Variants in MLLT3 observed in about 807,000 individuals in gnomAD.
The protein encoded by MLLT3 is protein AF-9.
Under a neutral mutation model 53.2 loss-of-function variants are expected in MLLT3, and 4 were observed. The observed-to-expected ratio is 0.08, with a 90% confidence interval of 0.04 to 0.17. The LOEUF (loss-of-function observed/expected upper bound fraction) is 0.17, where lower values mean the gene tolerates loss of function less well. Ranked by LOEUF, MLLT3 falls within the 10% of genes least tolerant of loss-of-function variation. The pLI is 1.00. For synonymous variants in MLLT3, 283 were observed against 230.6 expected (o/e 1.23, Z -2.06); for missense variants, 569 against 684.0 (o/e 0.83, Z 1.87).
chr9:20,599,920 A>G (rs375634054), intron 2 of MLLT3, among the ~76,000 whole-genome samples: 125 of 152,296 alleles, frequency 8.2e-4, no homozygotes, highest in African/African-American at 2.9e-3. Flanking sequence ...TAAATTGCTT[A>G]GCTTTCTTCT....
At chr9:20,495,078 G>A (rs1253736727) in intron 2 of MLLT3, among the ~76,000 whole-genome samples, 1 of 152,106 alleles carries the variant, frequency 6.6e-6, no homozygotes, top group African/African-American at 2.4e-5. Flanking sequence ...CTACAAGCAA[G>A]CTACTTAATT....
intron 2 of MLLT3, chr9:20,532,722 G>A (rs1818376821): frequency 3.8e-6 from 1 of 264,638 alleles, no homozygotes; most frequent in Non-Finnish European, 7.2e-6. Context: ...TTGTGAAATG[G>A]CCCCACTATA....
At chr9:20,492,473 A>G (rs1299666839) in intron 2 of MLLT3, among the ~76,000 whole-genome samples, 2 of 152,000 alleles carry the variant, frequency 1.3e-5, no homozygotes, top group South Asian at 4.1e-4. Flanking sequence ...TACAGTTTAA[A>G]ATGAACTCAA....
intron 2 of MLLT3, among the ~76,000 whole-genome samples, chr9:20,582,657 A>G (rs1819826526): frequency 6.6e-6 from 1 of 152,184 alleles, no homozygotes; most frequent in African/African-American, 2.4e-5. Flanking sequence ...GAATCATGAT[A>G]GGAGGTGAAA....
intron 2 of MLLT3, among the ~76,000 whole-genome samples, chr9:20,502,550 A>G (rs187991365): frequency 1.5e-4 from 23 of 152,318 alleles, no homozygotes; most frequent in African/African-American, 5.3e-4. Flanking sequence ...TCTGTACTGA[A>G]CTTTTTTATT....
At chr9:20,561,096 C>T (rs560867550) in intron 2 of MLLT3, among the ~76,000 whole-genome samples, 4 of 152,198 alleles carry the variant, frequency 2.6e-5, no homozygotes, top group African/African-American at 9.6e-5. Context: ...GTGTGTGCTG[C>T]CTCCTGTACT....
At chr9:20,502,097 G>GC (rs1191549815) in intron 2 of MLLT3, among the ~76,000 whole-genome samples, 20 of 134,456 alleles carry the variant, frequency 1.5e-4, no homozygotes, top group Admixed American at 4.5e-4. Flanking sequence ...AAAAAAAGGG[G>GC]GGGGGGGGGA....
intron 2 of MLLT3, among the ~76,000 whole-genome samples, chr9:20,526,781 A>G (rs978444080): frequency 6.6e-6 from 1 of 152,146 alleles, no homozygotes; most frequent in Non-Finnish European, 1.5e-5. Flanking sequence ...GCAGAGTGAG[A>G]ATTTCTGTTG....
intron 5 of MLLT3, among the ~76,000 whole-genome samples, chr9:20,382,685 ATTC>A (rs1224785366): frequency 6.6e-6 from 1 of 151,918 alleles, no homozygotes; most frequent in East Asian, 1.9e-4. Flanking sequence ...GTAAGCAGAC[ATTC>A]TTCTAGAGAG....
At chr9:20,564,179 T>C (rs183807745) in intron 2 of MLLT3, among the ~76,000 whole-genome samples, 11 of 152,222 alleles carry the variant, frequency 7.2e-5, no homozygotes, top group Non-Finnish European at 1.5e-4. Flanking sequence ...GCTCTATAAA[T>C]ACAGAGTGAT....
intron 2 of MLLT3, among the ~76,000 whole-genome samples, chr9:20,612,243 G>A (rs1820720686): frequency 6.6e-6 from 1 of 152,154 alleles, no homozygotes; most frequent in Non-Finnish European, 1.5e-5. Context: ...CTAGGCTTCT[G>A]ATTAAAAGTA....
intron 4 of MLLT3, among the ~76,000 whole-genome samples, chr9:20,419,027 C>A (rs935388536): frequency 6.6e-6 from 1 of 152,058 alleles, no homozygotes; most frequent in Non-Finnish European, 1.5e-5. Context: ...AACAGCTCAA[C>A]CTCAATCCCA....
chr9:20,474,912 G>A (rs1451225911), intron 2 of MLLT3, among the ~76,000 whole-genome samples: 2 of 152,008 alleles, frequency 1.3e-5, no homozygotes, highest in Admixed American at 1.3e-4. Context: ...AAATATTGGA[G>A]GACTTTATTA....
intron 5 of MLLT3, among the ~76,000 whole-genome samples, chr9:20,393,009 G>T (rs1245918710): frequency 5.9e-5 from 9 of 152,072 alleles, no homozygotes; most frequent in Non-Finnish European, 8.8e-5. Context: ...TACAAAATTA[G>T]CTGGGCATGG....
rs1443563456 is a variant in MLLT3, at chr9:20,342,966, T to C, written c.*3477A>G. The C allele has an allele frequency of 5.3e-6, 1 of 189,992 alleles. No individual in the cohort carries two copies. Among genetic ancestry groups the C allele is most frequent in the African/African-American group, 2.4e-5 (1 of 42,378 alleles). The allele number at this position is 189,992 out of a possible 1,614,324, so 11.8% of individuals were successfully genotyped here. Reference sequence around the variant, plus strand: ...CAGATCACTTCTACAGTGACAAAAATAAACACGAGCCACCAAACAGACACT... The same window carrying C: ...CAGATCACTTCTACAGTGACAAAAACAAACACGAGCCACCAAACAGACACT... On this transcript the variant is annotated 3_prime_UTR_variant, in exon 11 of 11. Coordinates refer to ENST00000380338, the MANE Select transcript of MLLT3 (RefSeq NM_004529.4).
intron 5 of MLLT3, among the ~76,000 whole-genome samples, chr9:20,392,638 G>A (rs966166360): frequency 6.6e-6 from 1 of 152,006 alleles, no homozygotes; most frequent in African/African-American, 2.4e-5. Flanking sequence ...TTATAATTCT[G>A]GGGTTAATGA....
intron 2 of MLLT3, among the ~76,000 whole-genome samples, chr9:20,585,899 G>A (rs918731302): frequency 3.3e-5 from 5 of 152,128 alleles, no homozygotes; most frequent in Admixed American, 2.6e-4. Context: ...ATAATTGAGG[G>A]AGAAACAGTG....
intron 2 of MLLT3, among the ~76,000 whole-genome samples, chr9:20,512,409 T>C (rs1332012217): frequency 1.3e-5 from 2 of 152,176 alleles, no homozygotes; most frequent in African/African-American, 2.4e-5. Context: ...CCAGAACTAT[T>C]AGCACCACCT....
chr9:20,569,558 C>T (rs530275428), intron 2 of MLLT3, among the ~76,000 whole-genome samples: 8 of 152,268 alleles, frequency 5.3e-5, no homozygotes, highest in African/African-American at 1.4e-4. Flanking sequence ...AAATCTACTA[C>T]AACATACTTA....
Sources: gnomAD v4.1 joint callset for allele counts (sites outside exome capture counted in the v4.1 genomes callset) on GRCh38, gnomAD v4.1.1 for gene constraint, MANE v1.5 for transcripts, NCBI Gene and HGNC (gene_info 2026-07-23, HGNC 2026-07-21) for gene names.